TRIM64C: variants seen among roughly 807,000 people sequenced by gnomAD.
TRIM64C encodes the protein tripartite motif containing 64C.
In TRIM64C, 25 loss-of-function variants were observed where a neutral mutation model predicts 36.1. The ratio of observed to expected loss-of-function variants is 0.69; its 90% confidence interval spans 0.51 to 0.97. TRIM64C has a LOEUF of 0.97. TRIM64C is among the 50% of genes least tolerant of loss of function. The pLI is 0.00. For synonymous variants in TRIM64C, 212 were observed against 185.7 expected, an observed-to-expected ratio of 1.14 and a Z score of -1.15; for missense variants, 489 against 536.8, an observed-to-expected ratio of 0.91 and a Z score of 0.88.
intron 2 of TRIM64C, 32 bp downstream of exon 2, chr11:49,058,046 A>G (rs905386304): frequency 2.8e-6 from 4 of 1,432,656 alleles, no homozygotes; most frequent in African/African-American, 2.9e-5. Flanking sequence ...GTTTATTTGC[A>G]TAAAAACAAA....
intron 4 of TRIM64C, among the ~76,000 whole-genome samples, chr11:49,055,973 C>G (rs1369296098): frequency 2.0e-5 from 3 of 151,764 alleles, no homozygotes. Flanking sequence ...AGGAACAAAA[C>G]ATCCCGCCTC....
At chr11:49,056,198 G>T (rs1854811856) in intron 4 of TRIM64C, among the ~76,000 whole-genome samples, 161 bp downstream of exon 4, 3 of 151,614 alleles carry the variant, frequency 2.0e-5, no homozygotes, top group Admixed American at 1.3e-4. Flanking sequence ...TTTTAAGATG[G>T]AAACTTTCCA....
chr11:49,056,092 T>A (rs1012005631), intron 4 of TRIM64C, among the ~76,000 whole-genome samples: 4 of 151,730 alleles, frequency 2.6e-5, no homozygotes, highest in Non-Finnish European at 5.9e-5. Flanking sequence ...AATTTTGTAT[T>A]AAGATCTCTG....
intron 4 of TRIM64C, among the ~76,000 whole-genome samples, chr11:49,055,737 G>C (rs1343151169): frequency 6.6e-6 from 1 of 152,140 alleles, no homozygotes; most frequent in Non-Finnish European, 1.5e-5. Context: ...AGAAAACTCA[G>C]ACAAAAACCT....
At position 49,053,741 on chromosome 11, in the gene TRIM64C, C is replaced by A. The variant is rs759858009; in HGVS notation, c.1326G>T (p.Arg442Ser). 1 of 1,550,204 alleles carries A rather than the reference C, an allele frequency of 6.5e-7. No homozygotes were observed. The highest frequency in any genetic ancestry group is 1.4e-5 in the African/African-American group (1 of 72,760). Residue 442 changes from arginine (R) to serine (S), a missense_variant, in exon 6 of 6, where the codon AGG becomes AGT. Arg to Ser is a moderately radical substitution (Grantham distance 110, BLOSUM62 -1). Coordinates refer to ENST00000617704, the MANE Select transcript of TRIM64C (RefSeq NM_001206631.1). ...FPPSSFSSPL[R>S]PFFCFGCT is the part of the protein sequence containing the mutation. ...ATGTACAACCAAAGCAAAAGAAAGG[C>A]CTCAGAGGGGAAGAGAAGGAGGAAG...
rs1854774261 is a variant in TRIM64C, at chr11:49,053,717, T to C, written c.1350A>G (p.Thr450=). ...PLRPFFCFGC[T] is the part of the protein sequence containing the mutation. The stretch of plus-strand genomic sequence containing the variant: ...AAATCATCATGAAACCAACTTTTCA[T>C]GTACAACCAAAGCAAAAGAAAGGCC... Residue 450 remains threonine (T), a synonymous_variant, in exon 6 of 6, where the codon ACA becomes ACG. Transcript: ENST00000617704. The C allele has an allele frequency of 4.5e-6, 7 of 1,549,034 alleles. No homozygotes were observed. The highest frequency in any genetic ancestry group is 6.1e-6 in the Non-Finnish European group (7 of 1,146,764).
At chr11:49,056,700 C>G (rs1185348187) in intron 3 of TRIM64C, among the ~76,000 whole-genome samples, 1 of 151,876 alleles carries the variant, frequency 6.6e-6, no homozygotes, top group Non-Finnish European at 1.5e-5. Flanking sequence ...TAAAACAAAA[C>G]AGAGAACCAT....
At chr11:49,058,644 G>A in intron 1 of TRIM64C, 57 bp downstream of exon 1, 4 of 1,533,164 alleles carry the variant, frequency 2.6e-6, no homozygotes, top group Non-Finnish European at 2.6e-6. Context: ...ATTATCACAG[G>A]CCCTCATCAT....
chr11:49,057,094 C>T (rs1172344765), intron 3 of TRIM64C, 54 bp downstream of exon 3: 4 of 1,544,718 alleles, frequency 2.6e-6, no homozygotes, highest in Non-Finnish European at 3.5e-6. Context: ...CATGTCCTGG[C>T]AGCATTGTCC....
intron 3 of TRIM64C, among the ~76,000 whole-genome samples, chr11:49,056,930 A>G (rs1854820875): frequency 6.6e-6 from 1 of 151,932 alleles, no homozygotes; most frequent in Non-Finnish European, 1.5e-5. Flanking sequence ...ATTATATTGA[A>G]GAGAACTTTG....
Position 49,053,729 on chromosome 11 carries a change from G to A in TRIM64C, c.1338C>T (p.Cys446=), listed in dbSNP as rs1693361521. 1 of 1,549,594 alleles carries A rather than the reference G, an allele frequency of 6.5e-7. No individual in the cohort carries two copies. Among genetic ancestry groups the A allele is most frequent in the Non-Finnish European group, 8.7e-7 (1 of 1,146,780 alleles). Residue 446 remains cysteine, a synonymous_variant, in exon 6 of 6, where the codon TGC becomes TGT. Transcript: ENST00000617704. ...AACCAACTTTTCATGTACAACCAAA[G>A]CAAAAGAAAGGCCTCAGAGGGGAAG... ...SFSSPLRPFF[C]FGCT
rs926843465 is a variant in TRIM64C at position 49,058,291 on chromosome 11, T to C, written c.413-119A>G. On this transcript the variant is annotated intron_variant, in intron 1 of 5. Coordinates refer to ENST00000617704, the MANE Select transcript of TRIM64C (RefSeq NM_001206631.1). The stretch of plus-strand genomic sequence containing the variant: ...ATTAAGTTAGAGTGGAGTGGTCAGA[T>C]TTTTCCAAGTTAAACAAATATGGTT... 6.7e-6 allele frequency: 5 copies of C among 741,562 alleles called. No homozygotes were observed. In the African/African-American group the frequency reaches 7.3e-5, roughly 11 times the overall value. 45.9% of individuals were successfully genotyped at this position (741,562 alleles called of 1,614,324 possible).
At chr11:49,057,424 T>A in intron 2 of TRIM64C, 46 bp from the exon 3 acceptor site, 1 of 1,533,114 alleles carries the variant, frequency 6.5e-7, no homozygotes, top group Non-Finnish European at 8.8e-7. Context: ...TCACTCTCAA[T>A]AGAAAACTTC....
In TRIM64C at chr11:49,058,157, T is replaced by A. The variant is rs1015596272; in HGVS notation, c.428A>T (p.Glu143Val). The change falls in exon 2 of 6, where the codon GAA (glutamate) becomes GTA (valine). Residue 143 changes from glutamate to valine, a missense_variant. Coordinates refer to ENST00000617704, the MANE Select transcript of TRIM64C (RefSeq NM_001206631.1). The part of the protein sequence containing the change: ...EECRVQKLIK[E>V]MDYLWKINQE... ...ATTGATTTTCCATAAATAGTCCATT[T>A]CCTTTATAAGTTTCTCTTGCAAAAG... 6.9e-5 allele frequency: 105 copies of A among 1,527,468 alleles called. No individual in the cohort carries two copies. The highest frequency in any genetic ancestry group is 8.3e-5 in the African/African-American group (6 of 72,034). The allele number at this position is 1,527,468 out of a possible 1,614,324, so 94.6% of individuals were successfully genotyped here. A position where few individuals can be genotyped will look rare whatever the true frequency, so the allele number is the denominator to read the frequency against.
rs1302911367 is a variant in TRIM64C, at chr11:49,055,456, C to CAGG, written c.762-50_762-49insCCT. On this transcript the variant is annotated intron_variant, in intron 4 of 5. Transcript: ENST00000617704. ...TTATATTTCCAGGACCAGAGCTAAT[C>CAGG]ACACAGTCATATGAAGATATCATAT... 10 of 1,531,250 alleles carry CAGG rather than the reference C, an allele frequency of 6.5e-6. No individual in the cohort carries two copies. The African/African-American group carries it at 1.4e-4, about 21-fold the overall frequency. 94.9% of individuals were successfully genotyped at this position (1,531,250 alleles called of 1,614,324 possible).
chr11:49,055,689 T>G (rs1854804807), intron 4 of TRIM64C, among the ~76,000 whole-genome samples: 1 of 152,114 alleles, frequency 6.6e-6, no homozygotes, highest in Non-Finnish European at 1.5e-5. Context: ...TCACACCCCC[T>G]GAGGGTATGC....
chr11:49,057,187 C>T lies in TRIM64C; in HGVS notation c.699G>A (p.Leu233=), dbSNP rs1395500632. 1 of 1,549,562 alleles carries T rather than the reference C, an allele frequency of 6.5e-7. No homozygotes were observed. The highest frequency in any genetic ancestry group is 8.7e-7 in the Non-Finnish European group (1 of 1,146,916). ...LEGMKDMYRE[L]WETYHMPDVE... The stretch of plus-strand genomic sequence containing the variant: ...CGTCAGGCATGTGGTATGTCTCCCA[C>T]AGCTCTCTGTACATGTCTTTCATCC... The change falls in exon 3 of 6, where the codon CTG becomes CTA. Residue 233 remains leucine (L), a synonymous_variant. Coordinates refer to ENST00000617704, the MANE Select transcript of TRIM64C (RefSeq NM_001206631.1).
At chr11:49,057,691 TA>T (rs905313997) in intron 2 of TRIM64C, 1 of 467,464 alleles carries the variant, frequency 2.1e-6, no homozygotes, top group South Asian at 2.0e-5. Flanking sequence ...GCCTAAATGT[TA>T]AAAAACATTT....
intron 3 of TRIM64C, 87 bp downstream of exon 3, chr11:49,057,061 G>A (rs1320133468): frequency 2.2e-5 from 32 of 1,478,502 alleles, no homozygotes; most frequent in Non-Finnish European, 2.9e-5. Context: ...GCTTAGAGCA[G>A]TGACATATGC....
Sources: allele counts gnomAD v4.1 joint callset (sites outside exome capture counted in the v4.1 genomes callset), GRCh38; gene constraint gnomAD v4.1.1; transcripts MANE v1.5; gene names NCBI Gene and HGNC (gene_info 2026-07-23, HGNC 2026-07-21).